Variants in AGBL4 observed in about 807,000 individuals in gnomAD.
AGBL4 encodes the protein cytosolic carboxypeptidase 6.
Under a neutral mutation model 66.4 loss-of-function variants are expected in AGBL4, and 58 were observed. The observed-to-expected ratio is 0.87, with a 90% CI of 0.71 to 1.09. The LOEUF is 1.09. AGBL4 is among the 50% of genes least tolerant of loss of function. The pLI, the probability that AGBL4 is intolerant of heterozygous loss-of-function variation, is 0.00. For synonymous variants in AGBL4, 234 were observed against 222.9 expected (o/e 1.05, Z -0.44); for missense variants, 579 against 631.0 (o/e 0.92, Z 0.88).
intron 3 of AGBL4, among the ~76,000 whole-genome samples, chr1:49,680,659 T>C (rs1057068947): frequency 2.0e-5 from 3 of 152,146 alleles, no homozygotes; most frequent in African/African-American, 7.2e-5. Context: ...TTTTTTAATT[T>C]GGTTTTTGAA....
At chr1:48,576,819 C>A (rs1191834692) in intron 11 of AGBL4, among the ~76,000 whole-genome samples, 3 of 152,194 alleles carry the variant, frequency 2.0e-5, no homozygotes, top group African/African-American at 7.2e-5. Context: ...AGCTTCAATT[C>A]TGGCAGAAGG....
At chr1:48,873,880 T>G (rs1570893062) in intron 5 of AGBL4, among the ~76,000 whole-genome samples, 1 of 152,108 alleles carries the variant, frequency 6.6e-6, no homozygotes, top group African/African-American at 2.4e-5. Context: ...TTCGTTTTGG[T>G]CACGACTGCA....
chr1:49,613,644 C>A (rs1255183372), intron 3 of AGBL4, among the ~76,000 whole-genome samples: 2 of 152,138 alleles, frequency 1.3e-5, no homozygotes, highest in African/African-American at 4.8e-5. Flanking sequence ...GAATCTACTG[C>A]CTGATGATCT....
chr1:48,657,185 C>T (rs1050195881), intron 7 of AGBL4, among the ~76,000 whole-genome samples: 1 of 152,108 alleles, frequency 6.6e-6, no homozygotes, highest in Non-Finnish European at 1.5e-5. Context: ...CCAGGTTCCT[C>T]ATCAATTACA....
chr1:49,698,819 T>C (rs1298607834), intron 2 of AGBL4, among the ~76,000 whole-genome samples: 1 of 152,140 alleles, frequency 6.6e-6, no homozygotes, highest in African/African-American at 2.4e-5. Flanking sequence ...TTTCATTTTG[T>C]TCTTCATACT....
At chr1:49,498,488 G>C in intron 3 of AGBL4, among the ~76,000 whole-genome samples, 1 of 151,510 alleles carries the variant, frequency 6.6e-6, no homozygotes, top group East Asian at 2.0e-4. Context: ...GTCCATCCAG[G>C]TTGTCACAAA....
intron 6 of AGBL4, among the ~76,000 whole-genome samples, chr1:48,666,546 A>T (rs1029571074): frequency 2.6e-5 from 4 of 152,210 alleles, no homozygotes; most frequent in South Asian, 2.1e-4. Context: ...ACATACACAG[A>T]CACACCTTTG....
chr1:49,561,896 A>G (rs536054494), intron 3 of AGBL4, among the ~76,000 whole-genome samples: 2 of 152,150 alleles, frequency 1.3e-5, no homozygotes, highest in African/African-American at 4.8e-5. Flanking sequence ...GACTTCCACA[A>G]TGGTTGAACT....
At chr1:48,811,313 A>T (rs542278923) in intron 6 of AGBL4, among the ~76,000 whole-genome samples, 13 of 152,304 alleles carry the variant, frequency 8.5e-5, no homozygotes, top group Non-Finnish European at 1.3e-4. Context: ...TTTATCTGGG[A>T]CAGATTGGGG....
intron 6 of AGBL4, among the ~76,000 whole-genome samples, chr1:48,773,676 G>A (rs966186814): frequency 6.6e-6 from 1 of 152,028 alleles, no homozygotes; most frequent in African/African-American, 2.4e-5. Context: ...TGGGAACATC[G>A]GCTACTTTAC....
chr1:49,785,073 T>C (rs1644419950), intron 2 of AGBL4, among the ~76,000 whole-genome samples: 1 of 152,092 alleles, frequency 6.6e-6, no homozygotes, highest in Admixed American at 6.5e-5. Flanking sequence ...GGCAACTTAA[T>C]AAACCAAAGC....
intron 1 of AGBL4, chr1:50,016,962 T>C (rs1287758795): frequency 6.6e-6 from 1 of 152,162 alleles, no homozygotes; most frequent in Non-Finnish European, 1.5e-5. Flanking sequence ...ATCTAAATTG[T>C]TCTACCATAA....
chr1:48,539,741 G>A lies in AGBL4; in HGVS notation c.1268-3C>T, dbSNP rs748632711. 4 of 1,519,998 alleles carry A rather than the reference G, an allele frequency of 2.6e-6. No homozygotes were observed. In the Admixed American group the frequency reaches 6.2e-5, roughly 23 times the overall value. 94.2% of individuals were successfully genotyped at this position (1,519,998 alleles called of 1,614,324 possible). A position where few individuals can be genotyped will look rare whatever the true frequency, so the allele number is the denominator to read the frequency against. ...CACATTCCGCCCCAGCTTCATATCT[G>A]CAGGTGTGTGCATTAAGGAGCAACT... On this transcript the variant is annotated splice_polypyrimidine_tract_variant and splice_region_variant and intron_variant, in intron 11 of 13. Coordinates refer to ENST00000371839, the MANE Select transcript of AGBL4 (RefSeq NM_032785.4).
chr1:49,863,314 C>T (rs1393312820), intron 1 of AGBL4, among the ~76,000 whole-genome samples: 5 of 152,282 alleles, frequency 3.3e-5, no homozygotes, highest in African/African-American at 1.2e-4. Flanking sequence ...CTTAAGACTT[C>T]AAACTATGAA....
At chr1:49,663,166 T>C (rs994022657) in intron 3 of AGBL4, among the ~76,000 whole-genome samples, 2 of 152,114 alleles carry the variant, frequency 1.3e-5, no homozygotes, top group East Asian at 3.8e-4. Flanking sequence ...ATTTAGAAAA[T>C]GTTTAGCACC....
At chr1:48,758,878 G>C in intron 6 of AGBL4, 1 of 1,487,656 alleles carries the variant, frequency 6.7e-7, no homozygotes, top group South Asian at 1.4e-5. Flanking sequence ...TGGAGTGGTA[G>C]GTGACCTGCT....
intron 3 of AGBL4, chr1:49,374,277 G>A (rs1033724595): frequency 1.6e-4 from 24 of 150,406 alleles, no homozygotes; most frequent in Non-Finnish European, 7.4e-5. Flanking sequence ...TTCTATATCC[G>A]AAGCCAGTTG....
At chr1:49,729,705 A>T (rs192687016) in intron 2 of AGBL4, among the ~76,000 whole-genome samples, 2 of 152,328 alleles carry the variant, frequency 1.3e-5, no homozygotes, top group East Asian at 3.9e-4. Flanking sequence ...ATTTGAGGGA[A>T]GTCTGAAAAA....
At chr1:48,633,680 C>A (rs116197861) in intron 9 of AGBL4, among the ~76,000 whole-genome samples, 2,067 of 152,272 alleles carry the variant, frequency 0.014, 53 homozygotes, top group African/African-American at 0.048. Flanking sequence ...AATGGTCTGT[C>A]CCCCCATTCT....
Sources: gnomAD v4.1 joint callset for allele counts (sites outside exome capture counted in the v4.1 genomes callset) on GRCh38, gnomAD v4.1.1 for gene constraint, MANE v1.5 for transcripts, NCBI Gene and HGNC (gene_info 2026-07-23, HGNC 2026-07-21) for gene names.